Variants in APPBP2 observed in about 807,000 individuals in gnomAD.
APPBP2 encodes amyloid protein-binding protein 2.
A neutral mutation model predicts 76.0 loss-of-function variants in APPBP2; 15 were observed. The ratio of observed to expected loss-of-function variants is 0.20; its 90% CI spans 0.13 to 0.30. The LOEUF (loss-of-function observed/expected upper bound fraction) is 0.30. APPBP2 is among the 10% of genes least tolerant of loss of function. APPBP2 has a pLI of 1.00. For synonymous variants in APPBP2, 222 were observed against 242.2 expected, an observed-to-expected ratio of 0.92 and a Z score of 0.77; for missense variants, 401 against 687.2, an observed-to-expected ratio of 0.58 and a Z score of 4.66.
chr17:60,500,431 A>G lies in APPBP2; in HGVS notation c.195T>C (p.Val65=). 1 of 1,611,386 alleles carries G rather than the reference A, an allele frequency of 6.2e-7. No individual in the cohort carries two copies. The change falls in exon 2 of 13, where the codon GTT becomes GTC. Residue 65 remains valine (V), a synonymous_variant. Transcript: ENST00000083182. ...QLGSEFCELE[V]FAKVLRALDK... Reference sequence around the variant, plus strand: ...CCAAAGCTCTCAGTACTTTAGCAAAAACTTCCAATTCACAAAATTCACTGC... The same window carrying G: ...CCAAAGCTCTCAGTACTTTAGCAAAGACTTCCAATTCACAAAATTCACTGC...
intron 2 of APPBP2, among the ~76,000 whole-genome samples, chr17:60,499,152 G>A (rs146552903): frequency 0.01 from 1,468 of 143,920 alleles, 15 homozygotes; most frequent in African/African-American, 0.034. Context: ...GCAACACAGC[G>A]AGACCTCATC....
chr17:60,462,282 GAC>G (rs2090481005), intron 6 of APPBP2: 1 of 489,846 alleles, frequency 2.0e-6, no homozygotes, highest in African/African-American at 2.0e-5. Flanking sequence ...TTAAAATTTT[GAC>G]AGTCAGTCCT....
intron 4 of APPBP2, among the ~76,000 whole-genome samples, chr17:60,475,209 G>A (rs1276192726): frequency 4.6e-5 from 7 of 151,984 alleles, no homozygotes; most frequent in East Asian, 1.9e-4. Flanking sequence ...CAGCCTGGGC[G>A]ACAGAGACTC....
chr17:60,454,274 GA>G, intron 11 of APPBP2, 27 bp downstream of exon 11: 1 of 1,484,272 alleles, frequency 6.7e-7, no homozygotes, highest in Non-Finnish European at 9.0e-7. Context: ...ACTTAAGAGA[GA>G]AAAATATAGT....
rs541999939 is a variant in APPBP2 at position 60,517,778 on chromosome 17, A to G, written c.138+8016T>C. Among the ~76,000 whole-genome samples, 4 of 152,212 alleles carry G rather than the reference A, an allele frequency of 2.6e-5. No individual in the cohort carries two copies. In the South Asian group the frequency reaches 8.3e-4, roughly 32 times the overall value. On this transcript the variant is annotated intron_variant, in intron 1 of 12. Coordinates refer to ENST00000083182, the MANE Select transcript of APPBP2 (RefSeq NM_006380.5). ...AATACCATATTACCTTAATTGTTAT[A>G]GCCAGGTAACAAGTTGAATTCCTCC...
At chr17:60,450,073 A>G (rs1454296832) in intron 12 of APPBP2, among the ~76,000 whole-genome samples, 1 of 151,616 alleles carries the variant, frequency 6.6e-6, no homozygotes, top group Admixed American at 6.6e-5. Flanking sequence ...CTGGGATTAC[A>G]GGTGTGAGCC....
chr17:60,511,725 G>C (rs897425764), intron 1 of APPBP2, among the ~76,000 whole-genome samples: 5 of 152,086 alleles, frequency 3.3e-5, no homozygotes, highest in African/African-American at 1.2e-4. Flanking sequence ...AGAAAATGCA[G>C]GGAATTTCAA....
Position 60,503,535 on chromosome 17 carries a change from G to A in APPBP2, c.139-3048C>T, listed in dbSNP as rs1009023617. Among the ~76,000 whole-genome samples the A allele has an allele frequency of 4.1e-5, 6 of 145,164 alleles. No homozygotes were observed. In the East Asian group the frequency reaches 7.7e-4, roughly 19 times the overall value. On this transcript the variant is annotated intron_variant, in intron 1 of 12. Transcript: ENST00000083182. ...GGAGTAGCTGGGATTACAGGCGCCC[G>A]CCACCACGCCCAGCTAATTTTTGTA...
chr17:60,486,050 T>C lies in APPBP2; in HGVS notation c.380-6779A>G, dbSNP rs140249789. The stretch of plus-strand genomic sequence containing the variant: ...ATCCTGAGTTCTAATTTGACTGCAC[T>C]GAGGTCTGAGAGACAGTTTGTTGTG... On this transcript the variant is annotated intron_variant, in intron 3 of 12. Coordinates refer to ENST00000083182, the MANE Select transcript of APPBP2 (RefSeq NM_006380.5). 9.5e-4 allele frequency among the ~76,000 whole-genome samples: 145 copies of C among 152,366 alleles called. 1 individual carries two copies. Among genetic ancestry groups the C allele is most frequent in the African/African-American group, 3.1e-3 (130 of 41,596 alleles).
intron 1 of APPBP2, among the ~76,000 whole-genome samples, chr17:60,504,684 G>C (rs2090852461): frequency 6.6e-6 from 1 of 152,148 alleles, no homozygotes; most frequent in Non-Finnish European, 1.5e-5. Context: ...ATGGCTGCGT[G>C]TCCCAGGTAC....
At chr17:60,469,828 G>C (rs1285073127) in intron 4 of APPBP2, among the ~76,000 whole-genome samples, 2 of 152,136 alleles carry the variant, frequency 1.3e-5, no homozygotes, top group African/African-American at 2.4e-5. Flanking sequence ...GAAAAATTCT[G>C]CTATAAACAC....
chr17:60,488,403 G>A (rs1442095821), intron 3 of APPBP2, among the ~76,000 whole-genome samples: 1 of 152,108 alleles, frequency 6.6e-6, no homozygotes, highest in Non-Finnish European at 1.5e-5. Flanking sequence ...AATAAAACAA[G>A]CCAGTCACAA....
chr17:60,457,838 G>A (rs543061143), intron 9 of APPBP2, among the ~76,000 whole-genome samples: 1 of 152,272 alleles, frequency 6.6e-6, no homozygotes, highest in African/African-American at 2.4e-5. Flanking sequence ...CCCATTTAAT[G>A]TGTACAATTC....
intron 3 of APPBP2, among the ~76,000 whole-genome samples, chr17:60,481,131 C>T (rs200134298): frequency 6.6e-6 from 1 of 152,164 alleles, no homozygotes; most frequent in East Asian, 1.9e-4. Context: ...AGCAGTATCC[C>T]AGCTTCATGG....
In APPBP2 at chr17:60,447,628, C is replaced by T; in HGVS notation, c.1711G>A (p.Val571Met). ...STSPQSTEEV[V>M]QSFLISQNVE... ...TTCTGAGAAATCAGGAAGGACTGCA[C>T]CACTTCTTCAGTGGACTGGGGGCTG... is the stretch of plus-strand genomic sequence containing the variant. Residue 571 changes from valine to methionine, a missense_variant, in exon 13 of 13, where the codon GTG (valine) becomes ATG (methionine). Physicochemically the swap from Val to Met is conservative, Grantham distance 21. Around this residue, in one of 5 missense-constraint regions of APPBP2, gnomAD observed 56 missense variants for 76.5 expected, o/e 0.73. Coordinates refer to ENST00000083182, the MANE Select transcript of APPBP2 (RefSeq NM_006380.5). 1 of 1,614,060 alleles carries T rather than the reference C, an allele frequency of 6.2e-7. No individual in the cohort carries two copies.
At chr17:60,500,553 T>C in intron 1 of APPBP2, 66 bp from the exon 2 acceptor site, 1 of 1,101,784 alleles carries the variant, frequency 9.1e-7, no homozygotes, top group Non-Finnish European at 1.3e-6. Flanking sequence ...TTAATCATAT[T>C]TGATAAATGT....
Position 60,466,432 on chromosome 17 carries a change from G to A in APPBP2, c.531C>T (p.Cys177=), listed in dbSNP as rs1336832905. 6.2e-7 allele frequency: 1 copy of A among 1,612,916 alleles called. No homozygotes were observed. The highest frequency in any genetic ancestry group is 1.1e-5 in the South Asian group (1 of 91,052). Residue 177 remains cysteine (C), a synonymous_variant, in exon 5 of 13, where the codon TGC becomes TGT. Transcript: ENST00000083182. The stretch of plus-strand genomic sequence containing the variant: ...ATGTTTCTTCACCCAAATGATATTT[G>A]CAGTTTCCATTTCGCACATGAAGCA... ...VRLLHVRNGN[C]KYHLGEETFK... is the part of the protein sequence containing the mutation.
rs369518082 is a variant in APPBP2 at position 60,445,445 on chromosome 17, G to T, written c.*2136C>A. 2.3e-5 allele frequency: 3 copies of T among 128,900 alleles called. No individual in the cohort carries two copies. Among genetic ancestry groups the T allele is most frequent in the African/African-American group, 1.4e-4 (3 of 20,872 alleles). The allele number at this position is 128,900 out of a possible 1,614,324, so 8.0% of individuals were successfully genotyped here. ...TGCACAAAACCAAAAAATACAGATT[G>T]AAAAAAAAACTTCATATGGAAACAT... is the stretch of plus-strand genomic sequence containing the variant. On this transcript the variant is annotated 3_prime_UTR_variant, in exon 13 of 13. Coordinates refer to ENST00000083182, the MANE Select transcript of APPBP2 (RefSeq NM_006380.5).
intron 4 of APPBP2, among the ~76,000 whole-genome samples, chr17:60,470,466 A>C (rs1012222174): frequency 6.6e-6 from 1 of 152,078 alleles, no homozygotes; most frequent in African/African-American, 2.4e-5. Context: ...AGGTCTTGCT[A>C]TTTTGCTCAG....
Sources: gnomAD v4.1 joint callset for allele counts (sites outside exome capture counted in the v4.1 genomes callset) on GRCh38, gnomAD v4.1.1 for gene constraint, gnomAD v4.1.1 regional missense constraint, MANE v1.5 for transcripts, NCBI Gene and HGNC (gene_info 2026-07-23, HGNC 2026-07-21) for gene names.